Variants in KCNK12 observed in about 807,000 individuals in gnomAD.
The protein encoded by KCNK12 is potassium channel subfamily K member 12.
Under a neutral mutation model 25.3 loss-of-function variants are expected in KCNK12, and 6 were observed. The ratio of observed to expected loss-of-function variants is 0.24; its 90% CI spans 0.13 to 0.47. The LOEUF is 0.47. Among genes scored for constraint, KCNK12 ranks in the 20% least tolerant of loss-of-function variants. The pLI, the probability that KCNK12 is intolerant of heterozygous loss-of-function variation, is 0.99. For missense variants in KCNK12, 444 were observed against 661.7 expected (o/e 0.67, Z 3.61); for synonymous variants, 331 against 311.1 (o/e 1.06, Z -0.67).
chr2:47,526,015 C>T (rs940536131), intron 1 of KCNK12, among the ~76,000 whole-genome samples: 3 of 152,138 alleles, frequency 2.0e-5, no homozygotes, highest in African/African-American at 7.2e-5. Flanking sequence ...TAAATAAGCT[C>T]TGATTAGAAG....
In KCNK12 at chr2:47,556,642, G is replaced by A. The variant is rs1669556273; in HGVS notation, c.391+13299C>T. Among the ~76,000 whole-genome samples the A allele has an allele frequency of 6.6e-6, 1 of 152,132 alleles. No homozygotes were observed. Among genetic ancestry groups the A allele is most frequent in the Non-Finnish European group, 1.5e-5 (1 of 68,030 alleles). ...ACGTGGGAAGTTGGTATTTTGATAG[G>A]GGTACAACATAGGGAGAGAGGGGCA... On this transcript the variant is annotated intron_variant, in intron 1 of 1. Coordinates refer to ENST00000327876, the MANE Select transcript of KCNK12 (RefSeq NM_022055.2). The surrounding 1 kb of genome is among the most constrained non-coding windows in gnomAD (Gnocchi z 4.8).
intron 1 of KCNK12, among the ~76,000 whole-genome samples, chr2:47,549,965 GA>G (rs1226707177): frequency 2.6e-5 from 4 of 151,066 alleles, no homozygotes; most frequent in Non-Finnish European, 5.9e-5. Flanking sequence ...TATCATGTCT[GA>G]AATGAAAAAT....
In KCNK12 at chr2:47,520,925, C is replaced by T; in HGVS notation, c.1275G>A (p.Glu425=). The T allele has an allele frequency of 7.9e-7, 1 of 1,265,218 alleles. No individual in the cohort carries two copies. Among genetic ancestry groups the T allele is most frequent in the Non-Finnish European group, 1.0e-6 (1 of 1,004,382 alleles). 78.4% of individuals were successfully genotyped at this position (1,265,218 alleles called of 1,614,324 possible). A position where few individuals can be genotyped will look rare whatever the true frequency, so the allele number is the denominator to read the frequency against. ...GGGCGGTCTACCTGGAGGCGCTGGT[C>T]TCGGCCAGCCGGTTGTTCATGATGC... is the stretch of plus-strand genomic sequence containing the variant. The part of the protein sequence containing the change: ...ALGIMNNRLA[E]TSASR The change falls in exon 2 of 2, where the codon GAG becomes GAA. Residue 425 remains glutamate, a synonymous_variant. Transcript: ENST00000327876. This position sits in a 1 kb window ranked among gnomAD's most constrained non-coding sequence, Gnocchi z 5.0.
chr2:47,543,165 A>G (rs1230998795), intron 1 of KCNK12, among the ~76,000 whole-genome samples: 2 of 152,072 alleles, frequency 1.3e-5, no homozygotes, highest in Admixed American at 1.3e-4. Context: ...GTGAATAAGG[A>G]GCTACCAGGG....
At chr2:47,552,520 C>A (rs939539004) in intron 1 of KCNK12, among the ~76,000 whole-genome samples, 1 of 152,340 alleles carries the variant, frequency 6.6e-6, no homozygotes, top group East Asian at 1.9e-4. Context: ...GTAATCCCAA[C>A]ACTTTGGGAG....
At chr2:47,554,831 T>G (rs1187916408) in intron 1 of KCNK12, among the ~76,000 whole-genome samples, 4 of 152,198 alleles carry the variant, frequency 2.6e-5, no homozygotes. Flanking sequence ...TGGTGACAGC[T>G]GGAGTAGACT....
At chr2:47,536,045 G>A (rs1669060833) in intron 1 of KCNK12, among the ~76,000 whole-genome samples, 1 of 151,998 alleles carries the variant, frequency 6.6e-6, no homozygotes, top group African/African-American at 2.4e-5. Flanking sequence ...TATGACCTGG[G>A]ACCCAGACTC....
In KCNK12 at chr2:47,557,653, A is replaced by G. The variant is rs184157779; in HGVS notation, c.391+12288T>C. ...CCTGCCCGGCTGAACAATGCACATC[A>G]AGGAGCTTTGTAAGGCAATTTCCGT... On this transcript the variant is annotated intron_variant, in intron 1 of 1. Transcript: ENST00000327876. This position sits in a 1 kb window ranked among gnomAD's most constrained non-coding sequence, Gnocchi z 4.9. Among the ~76,000 whole-genome samples, 250 of 152,302 alleles carry G rather than the reference A, an allele frequency of 1.6e-3. 1 individual carries two copies. Among genetic ancestry groups the G allele is most frequent in the African/African-American group, 5.3e-3 (222 of 41,558 alleles).
At position 47,549,248 on chromosome 2, in the gene KCNK12, A is replaced by C. The variant is rs181111507; in HGVS notation, c.391+20693T>G. Among the ~76,000 whole-genome samples the C allele has an allele frequency of 5.3e-5, 8 of 152,330 alleles. No homozygotes were observed. In the East Asian group the frequency reaches 9.7e-4, roughly 18 times the overall value. On this transcript the variant is annotated intron_variant, in intron 1 of 1. Coordinates refer to ENST00000327876, the MANE Select transcript of KCNK12 (RefSeq NM_022055.2). ...TATTCTTTAATAGTGTGGCTCATCT[A>C]GTCCCAGAGAAAAGACTCCTTTAGA...
chr2:47,533,583 C>T lies in KCNK12; in HGVS notation c.392-11775G>A, dbSNP rs2104781269. On this transcript the variant is annotated intron_variant, in intron 1 of 1. Transcript: ENST00000327876. This position sits in a 1 kb window ranked among gnomAD's most constrained non-coding sequence, Gnocchi z 4.7. The stretch of plus-strand genomic sequence containing the variant: ...CTGGCTCTACCATTGGCTCGCCGTT[C>T]TCCTACCTCGCTGGGCCTCCATCTC... Among the ~76,000 whole-genome samples the T allele has an allele frequency of 6.6e-6, 1 of 152,372 alleles. No homozygotes were observed. Among genetic ancestry groups the T allele is most frequent in the Non-Finnish European group, 1.5e-5 (1 of 68,038 alleles).
In KCNK12 at chr2:47,570,270, G is replaced by T; in HGVS notation, c.62C>A (p.Ser21Tyr). ...ACGGCGGCAGCAGCAGCAGCAGCAGGAGGGGCGCGGCAGGCGGCGGCGGCT... is the reference window on the plus strand; with the variant it reads ...ACGGCGGCAGCAGCAGCAGCAGCAGTAGGGGCGCGGCAGGCGGCGGCGGCT... The part of the protein sequence containing the change: ...RRSRRRLPRP[S>Y]CCCCCCRRSH... The change falls in exon 1 of 2, where the codon TCC becomes TAC. Residue 21 changes from serine (S) to tyrosine (Y), a missense_variant. By Grantham distance (144) the Ser-to-Tyr change is moderately radical (BLOSUM62 -2). This residue lies in a region of KCNK12 where 67 missense variants were observed against 59.2 expected (regional missense o/e 1.13). Transcript: ENST00000327876. 7.1e-7 allele frequency: 1 copy of T among 1,416,708 alleles called. No homozygotes were observed. Among genetic ancestry groups the T allele is most frequent in the East Asian group, 3.1e-5 (1 of 32,264 alleles). The allele number at this position is 1,416,708 out of a possible 1,614,324, so 87.8% of individuals were successfully genotyped here. A position where few individuals can be genotyped will look rare whatever the true frequency, so the allele number is the denominator to read the frequency against.
rs1669773529 is a variant in KCNK12, at chr2:47,565,559, T to A, written c.391+4382A>T. 1 of 152,192 alleles carries A rather than the reference T, an allele frequency of 6.6e-6. No homozygotes were observed. Among genetic ancestry groups the A allele is most frequent in the South Asian group, 2.1e-4 (1 of 4,832 alleles). The allele number at this position is 152,192 out of a possible 1,614,324, so 9.4% of individuals were successfully genotyped here. ...TAAAAAACGCTGCCAGAAAACCTAA[T>A]AAAAGGAAGCAAAAATATTTCTGTT... On this transcript the variant is annotated intron_variant, in intron 1 of 1. Transcript: ENST00000327876. The surrounding 1 kb of genome is among the most constrained non-coding windows in gnomAD (Gnocchi z 5.0).
chr2:47,554,308 T>C, intron 1 of KCNK12, among the ~76,000 whole-genome samples: 1 of 152,120 alleles, frequency 6.6e-6, no homozygotes, highest in East Asian at 1.9e-4. Context: ...CCAAAAACGG[T>C]ACATGTTCTA....
chr2:47,537,336 C>CTT (rs5830962), intron 1 of KCNK12, among the ~76,000 whole-genome samples: 28 of 146,748 alleles, frequency 1.9e-4, no homozygotes, highest in South Asian at 4.3e-4. Flanking sequence ...GATTTTCTTT[C>CTT]TTTTTTTTTT....
chr2:47,524,855 G>A (rs1006708066), intron 1 of KCNK12, among the ~76,000 whole-genome samples: 6 of 152,164 alleles, frequency 3.9e-5, no homozygotes, highest in Admixed American at 1.3e-4. Context: ...CTGAGGGGCT[G>A]TGACCTGCAT....
intron 1 of KCNK12, among the ~76,000 whole-genome samples, chr2:47,527,324 G>T (rs1438213791): frequency 6.6e-6 from 1 of 152,180 alleles, no homozygotes; most frequent in African/African-American, 2.4e-5. Flanking sequence ...ACAGGGGAGA[G>T]GGGCCATGGC....
chr2:47,522,187 C>T (rs916994209), intron 1 of KCNK12, among the ~76,000 whole-genome samples: 1 of 152,176 alleles, frequency 6.6e-6, no homozygotes, highest in African/African-American at 2.4e-5. Flanking sequence ...TCTCCCACTC[C>T]TCCAAATTTT....
chr2:47,570,145 G>A lies in KCNK12; in HGVS notation c.187C>T (p.Pro63Ser). Residue 63 changes from proline to serine, a missense_variant, in exon 1 of 2, where the codon CCC (proline) becomes TCC (serine). Around this residue, in one of 8 missense-constraint regions of KCNK12, gnomAD observed 106 missense variants for 142.2 expected, o/e 0.75. Transcript: ENST00000327876. ...GATVFSALES[P>S]GEAEARARWG... Reference sequence around the variant, plus strand: ...CGCGCCCGCGCCTCCGCCTCGCCGGGGCTCTCGAGCGCCGAGAAGACTGTG... The same window carrying A: ...CGCGCCCGCGCCTCCGCCTCGCCGGAGCTCTCGAGCGCCGAGAAGACTGTG... 1.4e-6 allele frequency: 2 copies of A among 1,458,610 alleles called. No individual in the cohort carries two copies. The highest frequency in any genetic ancestry group is 1.8e-6 in the Non-Finnish European group (2 of 1,107,126). 90.4% of individuals were successfully genotyped at this position (1,458,610 alleles called of 1,614,324 possible).
At chr2:47,550,838 T>C (rs1264416178) in intron 1 of KCNK12, among the ~76,000 whole-genome samples, 2 of 152,134 alleles carry the variant, frequency 1.3e-5, no homozygotes, top group Non-Finnish European at 2.9e-5. Context: ...CCACCAAACA[T>C]GCCCCGGTCC....
Sources: gnomAD v4.1 joint callset for allele counts (sites outside exome capture counted in the v4.1 genomes callset) on GRCh38, gnomAD v4.1.1 for gene constraint, gnomAD v4.1.1 regional missense constraint, Gnocchi (gnomAD v3.1) non-coding constraint, MANE v1.5 for transcripts, NCBI Gene and HGNC (gene_info 2026-07-23, HGNC 2026-07-21) for gene names.